The following UTS2 variants were observed in gnomAD, a reference collection of about 807,000 sequenced individuals.
UTS2 encodes the protein urotensin 2.
A neutral mutation model predicts 12.6 loss-of-function variants in UTS2; 10 were observed. The observed-to-expected ratio is 0.80, with a 90% CI of 0.49 to 1.35. The LOEUF is 1.35. Ranked by LOEUF, UTS2 falls within the 40% of genes most tolerant of loss-of-function variation. The pLI is 0.00. For missense variants in UTS2, 142 were observed against 143.2 expected (o/e 0.99, Z 0.04); for synonymous variants, 52 against 50.0 (o/e 1.04, Z -0.17).
the UTS2 span, among the ~76,000 whole-genome samples, chr1:7,899,816 T>TTC: frequency 6.6e-6 from 1 of 152,198 alleles, no homozygotes; most frequent in Non-Finnish European, 1.5e-5. Context: ...AGCTATGTAG[T>TTC]TCTGGCTCAG....
At chr1:7,903,006 T>TC in the UTS2 span, among the ~76,000 whole-genome samples, 121 of 116,878 alleles carry the variant, frequency 1.0e-3, 9 homozygotes, top group African/African-American at 5.5e-3. Context: ...CCTCCCTCCT[T>TC]CCCTCTTCCC....
chr1:7,910,560 T>C, the UTS2 span, among the ~76,000 whole-genome samples: 1 of 152,188 alleles, frequency 6.6e-6, no homozygotes, highest in Non-Finnish European at 1.5e-5. Context: ...GTCTGTATCT[T>C]TGGGTCTTCA....
At chr1:7,879,305 A>C in the UTS2 span, among the ~76,000 whole-genome samples, 2 of 152,202 alleles carry the variant, frequency 1.3e-5, no homozygotes, top group South Asian at 2.1e-4. Context: ...AATCATATCA[A>C]GTATCTTCTC....
chr1:7,856,337 T>C (rs965017696), upstream of UTS2, among the ~76,000 whole-genome samples: 1 of 152,176 alleles, frequency 6.6e-6, no homozygotes, highest in African/African-American at 2.4e-5. Context: ...TTTATTGCTA[T>C]GAAGAACAAT....
the UTS2 span, among the ~76,000 whole-genome samples, chr1:7,905,617 A>T: frequency 6.6e-6 from 1 of 152,236 alleles, no homozygotes; most frequent in East Asian, 1.9e-4. Flanking sequence ...GCCTCAAGAG[A>T]AAAAGACTGC....
chr1:7,849,501 G>A (rs956388484), intron 3 of UTS2, 139 bp downstream of exon 3: 36 of 744,082 alleles, frequency 4.8e-5, no homozygotes, highest in South Asian at 7.1e-5. Context: ...ATGAGCTACC[G>A]CGCCTGGTCA....
the UTS2 span, among the ~76,000 whole-genome samples, chr1:7,885,498 G>A: frequency 1.3e-5 from 2 of 152,212 alleles, no homozygotes; most frequent in South Asian, 4.1e-4. Context: ...AGGGAACCGC[G>A]ACTCGGGATC....
the UTS2 span, among the ~76,000 whole-genome samples, chr1:7,861,433 A>G: frequency 1.3e-5 from 2 of 152,232 alleles, no homozygotes; most frequent in South Asian, 2.1e-4. Context: ...GGTGGAAACC[A>G]TAAGCACCAA....
chr1:7,883,536 A>T, the UTS2 span, among the ~76,000 whole-genome samples: 1 of 152,186 alleles, frequency 6.6e-6, no homozygotes, highest in Non-Finnish European at 1.5e-5. Flanking sequence ...AGAAGAGAAG[A>T]CTTAAAATGC....
At chr1:7,852,876 C>T (rs773462625) in intron 1 of UTS2, 25 bp downstream of exon 1, 1 of 1,594,556 alleles carries the variant, frequency 6.3e-7, no homozygotes, top group Non-Finnish European at 8.5e-7. Context: ...TCAAGACTAA[C>T]ATAAGGGGAA....
At chr1:7,865,727 G>C in the UTS2 span, among the ~76,000 whole-genome samples, 1 of 152,168 alleles carries the variant, frequency 6.6e-6, no homozygotes. Flanking sequence ...GAGGCCAGGA[G>C]TTCCAGACCA....
chr1:7,889,092 A>G, the UTS2 span, among the ~76,000 whole-genome samples: 1 of 151,736 alleles, frequency 6.6e-6, no homozygotes, highest in African/African-American at 2.4e-5. Context: ...GATGAAAAAA[A>G]AAAAAAGGCC....
upstream of UTS2, among the ~76,000 whole-genome samples, chr1:7,856,741 C>G (rs1037809144): frequency 6.6e-6 from 1 of 152,174 alleles, no homozygotes; most frequent in African/African-American, 2.4e-5. Context: ...CGGAACCTAA[C>G]GTCCAAGAGA....
the UTS2 span, among the ~76,000 whole-genome samples, chr1:7,866,355 G>T: frequency 4.9e-4 from 74 of 152,302 alleles, 1 homozygote; most frequent in Non-Finnish European, 8.8e-5. The surrounding 1 kb of genome is among the most constrained non-coding windows in gnomAD (Gnocchi z 4.5). Flanking sequence ...AGTAGAGGGG[G>T]TGTCAAGTGA....
chr1:7,868,218 T>C, the UTS2 span, among the ~76,000 whole-genome samples: 1 of 152,204 alleles, frequency 6.6e-6, no homozygotes, highest in African/African-American at 2.4e-5. Context: ...TCCTAATGCA[T>C]GCTCCTTTCC....
the UTS2 span, among the ~76,000 whole-genome samples, chr1:7,891,550 AAG>A: frequency 6.7e-6 from 1 of 149,150 alleles, no homozygotes; most frequent in East Asian, 2.0e-4. Flanking sequence ...GAAAGAAAGA[AAG>A]AAAGAAAGAA....
the UTS2 span, among the ~76,000 whole-genome samples, chr1:7,877,138 A>AG: frequency 1.4e-4 from 9 of 63,482 alleles, no homozygotes; most frequent in East Asian, 4.6e-4. Context: ...AAAAAAAAAA[A>AG]AAAAGAAAAA....
chr1:7,865,666 G>C, the UTS2 span, among the ~76,000 whole-genome samples: 1 of 152,114 alleles, frequency 6.6e-6, no homozygotes, highest in Admixed American at 6.5e-5. Context: ...GGCTGAGCAT[G>C]GTGGTTCTGT....
the UTS2 span, among the ~76,000 whole-genome samples, chr1:7,900,360 C>T: frequency 6.6e-6 from 1 of 151,838 alleles, no homozygotes; most frequent in African/African-American, 2.4e-5. Flanking sequence ...GATTGTACCA[C>T]CACACTTGGC....
Sources: allele counts gnomAD v4.1 joint callset (sites outside exome capture counted in the v4.1 genomes callset), GRCh38; gene constraint gnomAD v4.1.1; non-coding constraint Gnocchi (gnomAD v3.1); transcripts MANE v1.5; gene names NCBI Gene and HGNC (gene_info 2026-07-23, HGNC 2026-07-21).